Variants in COL11A2 observed in about 807,000 individuals in gnomAD.
COL11A2 encodes collagen alpha-2(XI) chain.
In COL11A2, 116 loss-of-function variants were observed where a neutral mutation model predicts 273.4. That is an observed-to-expected ratio of 0.42 (90% CI 0.36 to 0.49). COL11A2 has a LOEUF of 0.49. COL11A2 is among the 20% of genes least tolerant of loss of function. COL11A2 has a pLI of 0.00. For synonymous variants in COL11A2, 782 were observed against 864.2 expected, an observed-to-expected ratio of 0.90 and a Z score of 1.67; for missense variants, 1,866 against 2,309.0, an observed-to-expected ratio of 0.81 and a Z score of 3.93.
chr6:33,166,006 C>A lies in COL11A2; in HGVS notation c.4429-22G>T. ...GGCCCTGACAAGGAATAAATCAGGT[C>A]ATGGAGGGGTCAAGAGGTCAAGCAT... On this transcript the variant is annotated intron_variant, in intron 61 of 65. Coordinates refer to ENST00000341947, the MANE Select transcript of COL11A2 (RefSeq NM_080680.3). This position sits in a 1 kb window ranked among gnomAD's most constrained non-coding sequence, Gnocchi z 4.8. 6.2e-7 allele frequency: 1 copy of A among 1,613,910 alleles called. No individual in the cohort carries two copies. Among genetic ancestry groups the A allele is most frequent in the Non-Finnish European group, 8.5e-7 (1 of 1,180,000 alleles).
Position 33,176,958 on chromosome 6 carries a change from G to A in COL11A2, c.2070+34C>T, listed in dbSNP as rs1227147922. The A allele has an allele frequency of 8.7e-6, 14 of 1,603,812 alleles. No individual in the cohort carries two copies. The highest frequency in any genetic ancestry group is 1.2e-5 in the Non-Finnish European group (14 of 1,175,014). The stretch of plus-strand genomic sequence containing the variant: ...GTCATGCACTGGGGTGGAAGGCCAA[G>A]GGGAACTGGATTCGGAAGTGGGGTC... On this transcript the variant is annotated intron_variant, in intron 25 of 65. Coordinates refer to ENST00000341947, the MANE Select transcript of COL11A2 (RefSeq NM_080680.3). The surrounding 1 kb of genome is among the most constrained non-coding windows in gnomAD (Gnocchi z 4.9).
At position 33,169,357 on chromosome 6, in the gene COL11A2, C is replaced by T; in HGVS notation, c.3798+26G>A. 4 of 1,595,442 alleles carry T rather than the reference C, an allele frequency of 2.5e-6. No individual in the cohort carries two copies. Among genetic ancestry groups the T allele is most frequent in the Non-Finnish European group, 3.4e-6 (4 of 1,165,442 alleles). On this transcript the variant is annotated intron_variant, in intron 51 of 65. Coordinates refer to ENST00000341947, the MANE Select transcript of COL11A2 (RefSeq NM_080680.3). The surrounding 1 kb of genome is among the most constrained non-coding windows in gnomAD (Gnocchi z 5.5). Reference sequence around the variant, plus strand: ...CTGTCATTCACAGGGCCTGAGAGGACTCAGCCCCCACTGCCCCAAACTCAC... The same window carrying T: ...CTGTCATTCACAGGGCCTGAGAGGATTCAGCCCCCACTGCCCCAAACTCAC...
Position 33,188,421 on chromosome 6 carries a change from A to G in COL11A2, c.547T>C (p.Leu183=), listed in dbSNP as rs1291431027. 5 of 1,613,042 alleles carry G rather than the reference A, an allele frequency of 3.1e-6. No individual in the cohort carries two copies. The highest frequency in any genetic ancestry group is 8.5e-7 in the Non-Finnish European group (1 of 1,180,016). Residue 183 remains leucine, a synonymous_variant, in exon 4 of 66, where the codon TTG becomes CTG. Transcript: ENST00000341947. ...RPLPRSARPV[L]DTHGVIIFGA... ...AAGATGATCACTCCATGGGTGTCCA[A>G]TACTGGACGAGCACTTCGGGGGAGA...
Position 33,190,564 on chromosome 6 carries a change from G to A in COL11A2, c.83-1095C>T, listed in dbSNP as rs1402260069. Among the ~76,000 whole-genome samples the A allele has an allele frequency of 1.3e-5, 2 of 152,078 alleles. No homozygotes were observed. Among genetic ancestry groups the A allele is most frequent in the Non-Finnish European group, 2.9e-5 (2 of 68,000 alleles). ...CCAGCAAAACTTTCATAGAAGTGTG[G>A]GGCAGGGCAGAGGCCAGAGCAATCA... On this transcript the variant is annotated intron_variant, in intron 1 of 65. Coordinates refer to ENST00000341947, the MANE Select transcript of COL11A2 (RefSeq NM_080680.3). The surrounding 1 kb of genome is among the most constrained non-coding windows in gnomAD (Gnocchi z 4.5).
intron 4 of COL11A2, 73 bp from the exon 5 acceptor site, chr6:33,186,891 A>G (rs1368252301): frequency 3.8e-6 from 6 of 1,599,424 alleles, no homozygotes; most frequent in Non-Finnish European, 2.6e-6. Context: ...GAGAAAGAGT[A>G]TAGGAGGCCA....
rs775636045 is a variant in COL11A2 at position 33,188,430 on chromosome 6, G to A, written c.538C>T (p.Arg180Cys). The part of the protein sequence containing the change: ...RVTRPLPRSA[R>C]PVLDTHGVII... ...ACTCCATGGGTGTCCAATACTGGAC[G>A]AGCACTTCGGGGGAGAGGCCGGGTG... Residue 180 changes from arginine to cysteine, a missense_variant, in exon 4 of 66, where the codon CGT becomes TGT. Physicochemically the swap from Arg to Cys is radical, Grantham distance 180. Coordinates refer to ENST00000341947, the MANE Select transcript of COL11A2 (RefSeq NM_080680.3). 1.4e-5 allele frequency: 23 copies of A among 1,612,884 alleles called. No individual in the cohort carries two copies. Among genetic ancestry groups the A allele is most frequent in the Middle Eastern group, 1.6e-4 (1 of 6,082 alleles).
chr6:33,164,415 C>T lies in COL11A2; in HGVS notation c.4922G>A (p.Arg1641Gln), dbSNP rs776247728. 5.6e-6 allele frequency: 9 copies of T among 1,598,268 alleles called. No homozygotes were observed. Among genetic ancestry groups the T allele is most frequent in the East Asian group, 4.5e-5 (2 of 44,212 alleles). Residue 1641 changes from arginine (R) to glutamine (Q), a missense_variant, in exon 65 of 66, where the codon CGG becomes CAG. Arg to Gln is a conservative substitution (Grantham distance 43, BLOSUM62 1). Coordinates refer to ENST00000341947, the MANE Select transcript of COL11A2 (RefSeq NM_080680.3). The surrounding 1 kb of genome is among the most constrained non-coding windows in gnomAD (Gnocchi z 4.7). ...CTGGTGGGCTGAGACGCTGAGCAGC[C>T]GCAGGAAGGTGAGCTGGACCACACC... ...PVGVVQLTFL[R>Q]LLSVSAHQDV...
At position 33,164,745 on chromosome 6, in the gene COL11A2, C is replaced by T; in HGVS notation, c.4863+107G>A. 1 of 976,144 alleles carries T rather than the reference C, an allele frequency of 1.0e-6. No homozygotes were observed. Among genetic ancestry groups the T allele is most frequent in the South Asian group, 1.4e-5 (1 of 69,344 alleles). The allele number at this position is 976,144 out of a possible 1,614,324, so 60.5% of individuals were successfully genotyped here. A position where few individuals can be genotyped will look rare whatever the true frequency, so the allele number is the denominator to read the frequency against. ...AGAAGTGGAGAAGGGGTGGCAGGCTCCGGGGGGGGCAACAGCCAGGGGACT... is the reference window on the plus strand; with the variant it reads ...AGAAGTGGAGAAGGGGTGGCAGGCTTCGGGGGGGGCAACAGCCAGGGGACT... On this transcript the variant is annotated intron_variant, in intron 64 of 65. Coordinates refer to ENST00000341947, the MANE Select transcript of COL11A2 (RefSeq NM_080680.3). The surrounding 1 kb of genome is among the most constrained non-coding windows in gnomAD (Gnocchi z 4.7).
At position 33,169,982 on chromosome 6, in the gene COL11A2, T is replaced by C; in HGVS notation, c.3636+65A>G. The C allele has an allele frequency of 6.2e-7, 1 of 1,612,726 alleles. No homozygotes were observed. The highest frequency in any genetic ancestry group is 8.5e-7 in the Non-Finnish European group (1 of 1,179,052). On this transcript the variant is annotated intron_variant, in intron 49 of 65. Transcript: ENST00000341947. The surrounding 1 kb of genome is among the most constrained non-coding windows in gnomAD (Gnocchi z 5.5). ...TTCTCTTTTGTCTCCCCACCCAAAA[T>C]TGGCAGAAATCCAACTCCCATCCCC... is the stretch of plus-strand genomic sequence containing the variant.
chr6:33,174,724 GC>G, intron 30 of COL11A2, 144 bp from the exon 31 acceptor site: 2 of 773,706 alleles, frequency 2.6e-6, no homozygotes, highest in Non-Finnish European at 4.5e-6. Context: ...CTCATTGCTT[GC>G]CCCACAGCTG....
rs774268560 is a variant in COL11A2 at position 33,173,122 on chromosome 6, G to C, written c.2737-9C>G. On this transcript the variant is annotated splice_polypyrimidine_tract_variant and intron_variant, in intron 37 of 65. Coordinates refer to ENST00000341947, the MANE Select transcript of COL11A2 (RefSeq NM_080680.3). The surrounding 1 kb of genome is among the most constrained non-coding windows in gnomAD (Gnocchi z 6.3). ...GTCTTCCCTTGGAAACCCTAGGCGA[G>C]GAAGAGAGGAGAATGCAGTGAAAGC... 1.2e-6 allele frequency: 2 copies of C among 1,610,728 alleles called. No homozygotes were observed. Among genetic ancestry groups the C allele is most frequent in the Admixed American group, 3.3e-5 (2 of 59,742 alleles).
Position 33,177,198 on chromosome 6 carries a change from C to T in COL11A2, c.1999G>A (p.Gly667Ser), listed in dbSNP as rs1322629595. The T allele has an allele frequency of 4.3e-6, 7 of 1,612,918 alleles. No individual in the cohort carries two copies. The highest frequency in any genetic ancestry group is 5.9e-6 in the Non-Finnish European group (7 of 1,180,028). Residue 667 changes from glycine to serine, a missense_variant, in exon 24 of 66, where the codon GGC (glycine) becomes AGC (serine). Gly to Ser is a moderately conservative substitution (Grantham distance 56). Coordinates refer to ENST00000341947, the MANE Select transcript of COL11A2 (RefSeq NM_080680.3). The surrounding 1 kb of genome is among the most constrained non-coding windows in gnomAD (Gnocchi z 5.9). ...TCACTTACCTTCTCTCCATGAGGGC[C>T]GATGGCACCCTGGGGCCCGGGAAGA... ...QGLPGPQGAI[G>S]PHGEKGPQGK... is the part of the protein sequence containing the mutation.
At chr6:33,175,390 G>T in intron 30 of COL11A2, 184 bp downstream of exon 30, 1 of 700,010 alleles carries the variant, frequency 1.4e-6, no homozygotes, top group South Asian at 1.5e-5. Flanking sequence ...ACTTTTCCCT[G>T]ACTTCTTATA....
chr6:33,180,284 G>C lies in COL11A2; in HGVS notation c.1333C>G (p.Pro445Ala), dbSNP rs1261759387. The C allele has an allele frequency of 1.9e-6, 3 of 1,612,888 alleles. No homozygotes were observed. The highest frequency in any genetic ancestry group is 1.1e-5 in the South Asian group (1 of 91,084). The change falls in exon 12 of 66, where the codon CCT becomes GCT. Residue 445 changes from proline to alanine, a missense_variant. Transcript: ENST00000341947. ...GGGAGCATGAGAGATGTGCCAGGAG[G>C]ACCAGGAGCCCCATCTGATCCAGGG... ...GLPGSDGAPG[P>A]PGTSLMLPFR...
At position 33,190,688 on chromosome 6, in the gene COL11A2, C is replaced by T. The variant is rs539895713; in HGVS notation, c.83-1219G>A. Among the ~76,000 whole-genome samples, 7 of 152,222 alleles carry T rather than the reference C, an allele frequency of 4.6e-5. No homozygotes were observed. The highest frequency in any genetic ancestry group is 3.9e-4 in the East Asian group (2 of 5,170). ...GGGAAACCACGGCCTTCCCCCCCAA[C>T]CCCCACCTAAGCCTGGCCCCTGCGC... On this transcript the variant is annotated intron_variant, in intron 1 of 65. Transcript: ENST00000341947. The surrounding 1 kb of genome is among the most constrained non-coding windows in gnomAD (Gnocchi z 4.5).
Position 33,177,597 on chromosome 6 carries a change from A to G in COL11A2, c.1917+65T>C, listed in dbSNP as rs1771105099. 3.1e-6 allele frequency: 5 copies of G among 1,604,568 alleles called. No homozygotes were observed. Among genetic ancestry groups the G allele is most frequent in the African/African-American group, 1.3e-5 (1 of 74,848 alleles). On this transcript the variant is annotated intron_variant, in intron 22 of 65. Coordinates refer to ENST00000341947, the MANE Select transcript of COL11A2 (RefSeq NM_080680.3). This position sits in a 1 kb window ranked among gnomAD's most constrained non-coding sequence, Gnocchi z 5.9. ...GCAGGCAGGGGTCAAAATGGCGGCC[A>G]ACAGGATGCTGGCAGGGACCTCGGG... is the stretch of plus-strand genomic sequence containing the variant.
Position 33,170,533 on chromosome 6 carries a change from A to AG in COL11A2, c.3528+23dup, listed in dbSNP as rs765408242. On this transcript the variant is annotated intron_variant, in intron 47 of 65. Coordinates refer to ENST00000341947, the MANE Select transcript of COL11A2 (RefSeq NM_080680.3). The surrounding 1 kb of genome is among the most constrained non-coding windows in gnomAD (Gnocchi z 4.3). ...GAGGGGGGTGACTAGTATGGTGGCT[A>AG]GGGTCAGTAGGGGTCACACTCACCA... The AG allele has an allele frequency of 6.2e-7, 1 of 1,611,784 alleles. No individual in the cohort carries two copies. The highest frequency in any genetic ancestry group is 1.3e-5 in the African/African-American group (1 of 74,766).
Position 33,176,339 on chromosome 6 carries a change from G to A in COL11A2, c.2170-36C>T, listed in dbSNP as rs964826401. 1 of 1,601,680 alleles carries A rather than the reference G, an allele frequency of 6.2e-7. No individual in the cohort carries two copies. The highest frequency in any genetic ancestry group is 8.5e-7 in the Non-Finnish European group (1 of 1,173,816). ...AGAGGGGATAGAAGTAGACTGATCA[G>A]GGGATGGAGGTGGGTTGGAAGGACC... On this transcript the variant is annotated intron_variant, in intron 27 of 65. Transcript: ENST00000341947. This position sits in a 1 kb window ranked among gnomAD's most constrained non-coding sequence, Gnocchi z 4.9.
chr6:33,164,590 A>T lies in COL11A2; in HGVS notation c.4864-117T>A, dbSNP rs111747012. ...CCAGGACAGCTGAGCCAGAGTCATG[A>T]GCAGGGAATGGCTGGAAGGCAAGGG... On this transcript the variant is annotated intron_variant, in intron 64 of 65. Coordinates refer to ENST00000341947, the MANE Select transcript of COL11A2 (RefSeq NM_080680.3). This position sits in a 1 kb window ranked among gnomAD's most constrained non-coding sequence, Gnocchi z 4.7. 1.4e-4 allele frequency: 125 copies of T among 922,144 alleles called. 1 individual carries two copies. Among genetic ancestry groups the T allele is most frequent in the African/African-American group, 3.5e-4 (21 of 59,648 alleles). 57.1% of individuals were successfully genotyped at this position (922,144 alleles called of 1,614,324 possible). A position where few individuals can be genotyped will look rare whatever the true frequency, so the allele number is the denominator to read the frequency against.
Sources: allele counts gnomAD v4.1 joint callset (sites outside exome capture counted in the v4.1 genomes callset), GRCh38; gene constraint gnomAD v4.1.1; non-coding constraint Gnocchi (gnomAD v3.1); transcripts MANE v1.5; gene names NCBI Gene and HGNC (gene_info 2026-07-23, HGNC 2026-07-21).